Variants in PPM1A observed in about 807,000 individuals in gnomAD.
PPM1A encodes protein phosphatase 1A.
Under a neutral mutation model 35.0 loss-of-function variants are expected in PPM1A, and 7 were observed. The ratio of observed to expected loss-of-function variants is 0.20; its 90% confidence interval spans 0.11 to 0.38. PPM1A has a LOEUF of 0.38. Among genes scored for constraint, PPM1A ranks in the 10% least tolerant of loss-of-function variants. The pLI is 1.00. For missense variants in PPM1A, 239 were observed against 467.8 expected (o/e 0.51, Z 4.51); for synonymous variants, 153 against 167.3 (o/e 0.91, Z 0.66).
In PPM1A at chr14:60,285,639, A is replaced by C; in HGVS notation, c.850A>C (p.Met284Leu). 6.2e-7 allele frequency: 1 copy of C among 1,613,562 alleles called. No homozygotes were observed. The highest frequency in any genetic ancestry group is 8.5e-7 in the Non-Finnish European group (1 of 1,179,760). ...TTCTTCCCAGGGAAGTCGAGACAAC[A>C]TGAGTGTGATTTTGATCTGTTTTCC... The part of the protein sequence containing the change: ...TCLYKGSRDN[M>L]SVILICFPNA... The change falls in exon 3 of 6, where the codon ATG becomes CTG. Residue 284 changes from methionine (M) to leucine (L), a missense_variant. Met to Leu is a conservative substitution (Grantham distance 15, BLOSUM62 2). Coordinates refer to ENST00000395076, the MANE Select transcript of PPM1A (RefSeq NM_021003.5).
chr14:60,280,366 C>G (rs1173059534), intron 1 of PPM1A, among the ~76,000 whole-genome samples: 1 of 152,188 alleles, frequency 6.6e-6, no homozygotes, highest in Non-Finnish European at 1.5e-5. Context: ...TCAGTAGTCA[C>G]ACTATTACTA....
intron 1 of PPM1A, among the ~76,000 whole-genome samples, chr14:60,279,363 C>T: frequency 6.6e-6 from 1 of 152,172 alleles, no homozygotes; most frequent in Non-Finnish European, 1.5e-5. Flanking sequence ...TTAATCCACC[C>T]ACCTCAGCCT....
Position 60,283,324 on chromosome 14 carries a change from A to C in PPM1A, c.621A>C (p.Gly207=), listed in dbSNP as rs945792260. 6.2e-7 allele frequency: 1 copy of C among 1,614,178 alleles called. No individual in the cohort carries two copies. Among genetic ancestry groups the C allele is most frequent in the Non-Finnish European group, 8.5e-7 (1 of 1,180,014 alleles). The stretch of plus-strand genomic sequence containing the variant: ...ATTTTGATTACAAATGTGTCCATGG[A>C]AAAGGTCCTACTGAGCAGCTTGTCT... ...LGDFDYKCVH[G]KGPTEQLVSP... The change falls in exon 2 of 6, where the codon GGA becomes GGC. Residue 207 remains glycine (G), a synonymous_variant. Transcript: ENST00000395076. The surrounding 1 kb of genome is among the most constrained non-coding windows in gnomAD (Gnocchi z 6.3).
intron 1 of PPM1A, among the ~76,000 whole-genome samples, chr14:60,257,594 T>G (rs1321001788): frequency 2.0e-5 from 3 of 152,212 alleles, no homozygotes; most frequent in Non-Finnish European, 4.4e-5. Flanking sequence ...TTAAAGAATA[T>G]GTTATTCAAG....
rs553669911 is a variant in PPM1A at position 60,297,663 on chromosome 14, C to T, written c.*5181C>T. ...GTAACGTGCATTTGTATGGTACTAT[C>T]TAAAGTAAGTTAGATTGATGTAAGA... On this transcript the variant is annotated 3_prime_UTR_variant, in exon 6 of 6. Coordinates refer to ENST00000395076, the MANE Select transcript of PPM1A (RefSeq NM_021003.5). The T allele has an allele frequency of 7.6e-4, 115 of 151,746 alleles. No homozygotes were observed. The highest frequency in any genetic ancestry group is 2.4e-3 in the African/African-American group (100 of 41,494). The allele number at this position is 151,746 out of a possible 1,614,324, so 9.4% of individuals were successfully genotyped here.
rs983979301 is a variant in PPM1A at position 60,294,428 on chromosome 14, G to A, written c.*1946G>A. On this transcript the variant is annotated 3_prime_UTR_variant, in exon 6 of 6. Transcript: ENST00000395076. ...AATGTCTAAATCTGTGGTAGAGTGC[G>A]AAGTATGATAATGTTCTAAGTTATG... 6.6e-6 allele frequency: 1 copy of A among 151,840 alleles called. No individual in the cohort carries two copies. Among genetic ancestry groups the A allele is most frequent in the African/African-American group, 2.4e-5 (1 of 41,388 alleles). The allele number at this position is 151,840 out of a possible 1,614,324, so 9.4% of individuals were successfully genotyped here.
rs774715909 is a variant in PPM1A, at chr14:60,283,219, A to G, written c.516A>G (p.Lys172=). The change falls in exon 2 of 6, where the codon AAA becomes AAG. Residue 172 remains lysine (K), a synonymous_variant. Transcript: ENST00000395076. The surrounding 1 kb of genome is among the most constrained non-coding windows in gnomAD (Gnocchi z 6.3). ...QDHKPSNPLE[K]ERIQNAGGSV... ...ACAAACCAAGTAATCCGCTGGAGAA[A>G]GAACGAATTCAGAATGCAGGTGGCT... The G allele has an allele frequency of 1.9e-6, 3 of 1,614,250 alleles. No homozygotes were observed. The highest frequency in any genetic ancestry group is 2.5e-6 in the Non-Finnish European group (3 of 1,180,046).
chr14:60,298,596 A>G lies in PPM1A; in HGVS notation c.*6114A>G, dbSNP rs956422521. On this transcript the variant is annotated 3_prime_UTR_variant, in exon 6 of 6. Transcript: ENST00000395076. Reference sequence around the variant, plus strand: ...CCTGGTTATCCCTTGACTAAATAGCATATCTGCAGGAAAATATCTTGTTTG... The same window carrying G: ...CCTGGTTATCCCTTGACTAAATAGCGTATCTGCAGGAAAATATCTTGTTTG... 6.6e-6 allele frequency: 1 copy of G among 151,794 alleles called. No homozygotes were observed. Among genetic ancestry groups the G allele is most frequent in the East Asian group, 1.9e-4 (1 of 5,198 alleles). 9.4% of individuals were successfully genotyped at this position (151,794 alleles called of 1,614,324 possible).
intron 1 of PPM1A, among the ~76,000 whole-genome samples, chr14:60,269,347 T>C (rs1478781324): frequency 1.3e-5 from 2 of 152,216 alleles, no homozygotes; most frequent in Admixed American, 6.5e-5. Context: ...ACTACTTTAG[T>C]GCTGGCATAT....
At chr14:60,285,478 A>ATGCGTGCG (rs10624053) in intron 2 of PPM1A, 146 bp from the exon 3 acceptor site, 1 of 746,192 alleles carries the variant, frequency 1.3e-6, no homozygotes, top group Non-Finnish European at 2.2e-6. Context: ...ACACGCACGC[A>ATGCGTGCG]TGCGTGCACA....
chr14:60,288,916 A>G (rs1047919786), intron 3 of PPM1A, among the ~76,000 whole-genome samples: 8 of 152,112 alleles, frequency 5.3e-5, no homozygotes, highest in Non-Finnish European at 1.0e-4. Flanking sequence ...GTGTGCTAAA[A>G]CTGCAAGTGA....
In PPM1A at chr14:60,258,125, T is replaced by G. The variant is rs952393101; in HGVS notation, c.-21+8448T>G. On this transcript the variant is annotated intron_variant, in intron 1 of 5. Coordinates refer to ENST00000395076, the MANE Select transcript of PPM1A (RefSeq NM_021003.5). ...CTTCTTGATACAGTAAGCAGGTGTT[T>G]CAACTAGTCAGCCATCTAGTGTGAT... 3.3e-5 allele frequency among the ~76,000 whole-genome samples: 5 copies of G among 152,110 alleles called. No individual in the cohort carries two copies. In the South Asian group the frequency reaches 1.0e-3, roughly 32 times the overall value.
At chr14:60,248,043 G>A (rs1215378569), upstream of PPM1A, among the ~76,000 whole-genome samples, 1 of 151,756 alleles carries the variant, frequency 6.6e-6, no homozygotes, top group African/African-American at 2.4e-5. Flanking sequence ...TTCGTGAACT[G>A]GTTAAGCCGC....
chr14:60,280,038 A>G (rs6573302), intron 1 of PPM1A, among the ~76,000 whole-genome samples: 73,264 of 151,876 alleles, frequency 0.48, 21,843 homozygotes, highest in African/African-American at 0.85. Context: ...GTCTCGCTCT[A>G]TCGCCCAGGC....
chr14:60,295,158 T>C lies in PPM1A; in HGVS notation c.*2676T>C, dbSNP rs1392338168. ...ATAATATAGTACTCAAAATATACTT[T>C]TATCATTTAAATGTCTTATTTGCTG... On this transcript the variant is annotated 3_prime_UTR_variant, in exon 6 of 6. Transcript: ENST00000395076. 1.3e-5 allele frequency: 2 copies of C among 151,782 alleles called. No homozygotes were observed. The highest frequency in any genetic ancestry group is 3.0e-5 in the Non-Finnish European group (2 of 67,768). The allele number at this position is 151,782 out of a possible 1,614,324, so 9.4% of individuals were successfully genotyped here.
intron 1 of PPM1A, among the ~76,000 whole-genome samples, chr14:60,251,146 A>G (rs1882364465): frequency 6.6e-6 from 1 of 152,260 alleles, no homozygotes; most frequent in South Asian, 2.1e-4. Context: ...TGTAAGGATG[A>G]TTACTTTTAA....
chr14:60,275,523 A>G (rs944654799), intron 1 of PPM1A, among the ~76,000 whole-genome samples: 7 of 152,182 alleles, frequency 4.6e-5, no homozygotes, highest in African/African-American at 7.2e-5. Context: ...GTCTTACTCT[A>G]TTGCCCAGGC....
At chr14:60,277,124 A>G in intron 1 of PPM1A, 1 of 957,684 alleles carries the variant, frequency 1.0e-6, no homozygotes, top group Non-Finnish European at 1.3e-6. Context: ...GAAACTAACT[A>G]AAAACTTTCA....
At position 60,284,724 on chromosome 14, in the gene PPM1A, T is replaced by C. The variant is rs571887623; in HGVS notation, c.835-900T>C. On this transcript the variant is annotated intron_variant, in intron 2 of 5. Coordinates refer to ENST00000395076, the MANE Select transcript of PPM1A (RefSeq NM_021003.5). ...GTGTGTGTGTATATATATATATACA[T>C]ATATATATATATAATGCCTAGTTTA... is the stretch of plus-strand genomic sequence containing the variant. Among the ~76,000 whole-genome samples, 74 of 141,510 alleles carry C rather than the reference T, an allele frequency of 5.2e-4. 1 individual carries two copies. The Middle Eastern group carries it at 0.022, about 42-fold the overall frequency. 92.8% of individuals were successfully genotyped at this position (141,510 alleles called of 152,430 possible).
Sources: allele counts gnomAD v4.1 joint callset (sites outside exome capture counted in the v4.1 genomes callset), GRCh38; gene constraint gnomAD v4.1.1; non-coding constraint Gnocchi (gnomAD v3.1); transcripts MANE v1.5; gene names NCBI Gene and HGNC (gene_info 2026-07-23, HGNC 2026-07-21).